Variants in IPO5 observed in about 807,000 individuals in gnomAD.
IPO5 encodes importin-5.
In IPO5, 18 loss-of-function variants were observed where a neutral mutation model predicts 143.3. That is an observed-to-expected ratio of 0.13 (90% CI 0.09 to 0.19). The LOEUF (loss-of-function observed/expected upper bound fraction) is 0.19. IPO5 is among the 10% of genes least tolerant of loss of function. The pLI is 1.00. For synonymous variants in IPO5, 477 were observed against 465.7 expected (o/e 1.02, Z -0.31); for missense variants, 1,013 against 1,336.9 (o/e 0.76, Z 3.78).
At chr13:98,015,096 G>T (rs60900746) in intron 22 of IPO5, among the ~76,000 whole-genome samples, 1 of 152,036 alleles carries the variant, frequency 6.6e-6, no homozygotes, top group African/African-American at 2.4e-5. Flanking sequence ...CTGTAATTCA[G>T]AATTGCTTCT....
intron 2 of IPO5, among the ~76,000 whole-genome samples, chr13:97,961,855 G>A (rs541527614): frequency 2.4e-4 from 37 of 152,146 alleles, no homozygotes; most frequent in African/African-American, 6.5e-4. Context: ...GTGGCCAGGC[G>A]CAGTGGCTCA....
At chr13:97,969,891 G>A in intron 3 of IPO5, 61 bp downstream of exon 3, 1 of 1,302,652 alleles carries the variant, frequency 7.7e-7, no homozygotes, top group South Asian at 1.2e-5. Context: ...AAGAGACAAG[G>A]TCTCGCCATG....
At chr13:97,985,237 T>C (rs1887227043) in intron 5 of IPO5, among the ~76,000 whole-genome samples, 184 bp from the exon 6 acceptor site, 3 of 152,250 alleles carry the variant, frequency 2.0e-5, no homozygotes, top group Admixed American at 2.0e-4. Flanking sequence ...CTCCTCACCT[T>C]AAGTACAAAT....
chr13:98,019,560 T>A lies in IPO5; in HGVS notation c.2837-21T>A, dbSNP rs748620246. ...GAAAATGTGAGGTTTTAGCTGAACT[T>A]CTTTCAAATGCTTATTTTAGAAGCA... On this transcript the variant is annotated intron_variant, in intron 26 of 28. Coordinates refer to ENST00000651721, the MANE Select transcript of IPO5 (RefSeq NM_002271.6). The A allele has an allele frequency of 2.6e-6, 4 of 1,552,884 alleles. No homozygotes were observed. In the South Asian group the frequency reaches 4.5e-5, roughly 17 times the overall value.
chr13:97,995,175 CTTTG>C (rs1213772832), intron 11 of IPO5, among the ~76,000 whole-genome samples: 2 of 139,806 alleles, frequency 1.4e-5, no homozygotes, highest in Non-Finnish European at 3.1e-5. Context: ...TTCTTTCTTT[CTTTG>C]TTTTTTTTTT....
At chr13:97,969,633 A>G in intron 2 of IPO5, 90 bp from the exon 3 acceptor site, 1 of 680,796 alleles carries the variant, frequency 1.5e-6, no homozygotes, top group South Asian at 1.7e-5. Context: ...ATAAGGATTT[A>G]TTCTTCAAAA....
At position 98,018,722 on chromosome 13, in the gene IPO5, GT is replaced by G. The variant is rs779465758; in HGVS notation, c.2836+20del. The G allele has an allele frequency of 6.4e-7, 1 of 1,572,134 alleles. No individual in the cohort carries two copies. The highest frequency in any genetic ancestry group is 1.1e-5 in the South Asian group (1 of 90,014). On this transcript the variant is annotated intron_variant, in intron 26 of 28. Transcript: ENST00000651721. ...TTGTACAGGTACGTTTGCTTATTCC[GT>G]TACGTGCATTTCATTCCAGACATCC... is the stretch of plus-strand genomic sequence containing the variant.
At chr13:97,959,035 G>C (rs1048410573) in intron 2 of IPO5, among the ~76,000 whole-genome samples, 5 of 151,980 alleles carry the variant, frequency 3.3e-5, no homozygotes, top group African/African-American at 4.8e-5. Flanking sequence ...AGCCAGACGT[G>C]GTGGCGGGCA....
At chr13:97,992,843 C>T (rs1416769292) in intron 9 of IPO5, 49 bp from the exon 10 acceptor site, 1 of 1,552,730 alleles carries the variant, frequency 6.4e-7, no homozygotes. Context: ...GCTAATGAGG[C>T]ATTATAAAGT....
intron 25 of IPO5, among the ~76,000 whole-genome samples, chr13:98,017,975 G>A (rs556369797): frequency 2.6e-5 from 4 of 151,964 alleles, no homozygotes; most frequent in African/African-American, 7.2e-5. Context: ...CTGTGTATTC[G>A]GTTTTTAAAA....
chr13:98,015,581 C>A lies in IPO5; in HGVS notation c.2377C>A (p.Leu793Met), dbSNP rs773390727. Reference sequence around the variant, plus strand: ...CCTTAATAATGAACACTTTGAAGAACTGGGAGGTATATTGAAAGCAAAGCT... The same window carrying A: ...CCTTAATAATGAACACTTTGAAGAAATGGGAGGTATATTGAAAGCAAAGCT... ...GCLNNEHFEE[L>M]GGILKAKLEE... The change falls in exon 23 of 29, where the codon CTG (leucine) becomes ATG (methionine). Residue 793 changes from leucine to methionine, a missense_variant. Around this residue, in one of 2 missense-constraint regions of IPO5, gnomAD observed 685 missense variants for 994.9 expected, o/e 0.69. Transcript: ENST00000651721. 1.2e-6 allele frequency: 2 copies of A among 1,612,516 alleles called. No individual in the cohort carries two copies. Among genetic ancestry groups the A allele is most frequent in the Non-Finnish European group, 1.7e-6 (2 of 1,178,858 alleles).
At chr13:97,995,498 G>A (rs1219365111) in intron 11 of IPO5, among the ~76,000 whole-genome samples, 2 of 152,070 alleles carry the variant, frequency 1.3e-5, no homozygotes, top group African/African-American at 2.4e-5. Context: ...GCTCACACCT[G>A]CAATCTCAGC....
At chr13:97,976,211 C>G (rs1465288952) in intron 3 of IPO5, among the ~76,000 whole-genome samples, 1 of 151,612 alleles carries the variant, frequency 6.6e-6, no homozygotes, top group Non-Finnish European at 1.5e-5. Flanking sequence ...GGCCCCTTGC[C>G]GCGGCCGGGC....
At chr13:98,020,918 T>C (rs139387924) in intron 27 of IPO5, 74 bp from the exon 28 acceptor site, 4 of 1,206,810 alleles carry the variant, frequency 3.3e-6, no homozygotes, top group Admixed American at 2.2e-5. Flanking sequence ...TAAAAGGCCA[T>C]TGATTTTAGT....
rs370003897 is a variant in IPO5, at chr13:98,020,723, T to A, written c.3066-269T>A. Among the ~76,000 whole-genome samples the A allele has an allele frequency of 2.8e-4, 42 of 152,082 alleles. No homozygotes were observed. The East Asian group carries it at 6.6e-3, about 24-fold the overall frequency. On this transcript the variant is annotated intron_variant, in intron 27 of 28. Transcript: ENST00000651721. ...AAAATAAAACTTGTGTTAAACTTAT[T>A]TTTAATAATACAAAACATTTTTTTT... is the stretch of plus-strand genomic sequence containing the variant.
chr13:97,997,024 A>G (rs72651168), intron 11 of IPO5, among the ~76,000 whole-genome samples: 4,343 of 152,374 alleles, frequency 0.029, 89 homozygotes, highest in Non-Finnish European at 0.046. Context: ...GGAAACAACC[A>G]AAATGTTTAT....
At chr13:98,000,395 A>G in intron 12 of IPO5, 144 bp from the exon 13 acceptor site, 1 of 567,888 alleles carries the variant, frequency 1.8e-6, no homozygotes, top group Non-Finnish European at 3.2e-6. Context: ...TTTAACCCCT[A>G]ATTTCAATTC....
At chr13:98,018,936 G>A (rs1890295058) in intron 26 of IPO5, among the ~76,000 whole-genome samples, 2 of 151,502 alleles carry the variant, frequency 1.3e-5, no homozygotes, top group Admixed American at 6.6e-5. Context: ...ATTTCTCTTT[G>A]CGTTTTGGCA....
intron 11 of IPO5, among the ~76,000 whole-genome samples, chr13:97,993,572 A>G (rs2139709398): frequency 6.6e-6 from 1 of 152,338 alleles, no homozygotes; most frequent in Non-Finnish European, 1.5e-5. Flanking sequence ...ACAAACCAAA[A>G]TAGCATGTCT....
Sources: gnomAD v4.1 joint callset for allele counts (sites outside exome capture counted in the v4.1 genomes callset) on GRCh38, gnomAD v4.1.1 for gene constraint, gnomAD v4.1.1 regional missense constraint, MANE v1.5 for transcripts, NCBI Gene and HGNC (gene_info 2026-07-23, HGNC 2026-07-21) for gene names.